Variants in KIZ observed in about 807,000 individuals in gnomAD.
KIZ encodes the protein kizuna centrosomal protein.
A neutral mutation model predicts 79.6 loss-of-function variants in KIZ; 68 were observed. The observed-to-expected ratio is 0.85, with a 90% CI of 0.70 to 1.05. The LOEUF (loss-of-function observed/expected upper bound fraction) is 1.05. Ranked by LOEUF, KIZ falls within the 50% of genes least tolerant of loss-of-function variation. The probability of loss-of-function intolerance (pLI) is 0.00; values close to 1 mark genes in which losing one functional copy is unlikely to be tolerated. For synonymous variants in KIZ, 280 were observed against 281.8 expected, an observed-to-expected ratio of 0.99 and a Z score of 0.06; for missense variants, 797 against 800.4, an observed-to-expected ratio of 1.00 and a Z score of 0.05.
At chr20:21,177,718 A>C (rs572975289) in intron 6 of KIZ, among the ~76,000 whole-genome samples, 1 of 152,084 alleles carries the variant, frequency 6.6e-6, no homozygotes, top group Non-Finnish European at 1.5e-5. Flanking sequence ...TTCAGGTCTT[A>C]TATTTAAATC....
intron 1 of KIZ, among the ~76,000 whole-genome samples, chr20:21,128,909 T>A (rs2031659720): frequency 6.6e-6 from 1 of 152,090 alleles, no homozygotes; most frequent in Admixed American, 6.5e-5. Flanking sequence ...AAAAACAGAA[T>A]AACAAGTGGC....
At chr20:21,157,096 A>T (rs1018096798) in intron 4 of KIZ, among the ~76,000 whole-genome samples, 28 of 150,264 alleles carry the variant, frequency 1.9e-4, no homozygotes, top group African/African-American at 5.4e-4. Flanking sequence ...CTCTATAAAT[A>T]AAAAAAAAAT....
intron 11 of KIZ, among the ~76,000 whole-genome samples, chr20:21,240,749 G>A (rs1293691141): frequency 1.3e-5 from 2 of 152,220 alleles, no homozygotes; most frequent in Admixed American, 1.3e-4. Flanking sequence ...TTTTTAAATG[G>A]TTGGAAGAAA....
intron 6 of KIZ, among the ~76,000 whole-genome samples, chr20:21,169,055 A>G (rs1484061538): frequency 3.3e-5 from 5 of 152,220 alleles, no homozygotes; most frequent in Non-Finnish European, 5.9e-5. Flanking sequence ...ACCAAAAGCA[A>G]TGGCAACAAA....
At chr20:21,174,460 T>C (rs1161159287) in intron 6 of KIZ, among the ~76,000 whole-genome samples, 1 of 152,140 alleles carries the variant, frequency 6.6e-6, no homozygotes, top group Admixed American at 6.6e-5. Context: ...TCAAAGATAA[T>C]ATTTTATAAG....
At chr20:21,236,983 G>A (rs6075780) in intron 11 of KIZ, among the ~76,000 whole-genome samples, 86,170 of 147,494 alleles carry the variant, frequency 0.58, 26,769 homozygotes, top group South Asian at 0.78. Context: ...GGGCAATGGA[G>A]CAAGACTCTG....
intron 3 of KIZ, among the ~76,000 whole-genome samples, chr20:21,142,625 T>C (rs1003629549): frequency 1.3e-5 from 2 of 151,912 alleles, no homozygotes; most frequent in Non-Finnish European, 2.9e-5. Context: ...AACCTGTCTC[T>C]ACAAAAAAAT....
In KIZ at chr20:21,130,452, T is replaced by TTCATGATC. The variant is rs542351434; in HGVS notation, c.90-1645_90-1644insTCATGATC. Among the ~76,000 whole-genome samples, 17 of 152,282 alleles carry TTCATGATC rather than the reference T, an allele frequency of 1.1e-4. No individual in the cohort carries two copies. The South Asian group carries it at 3.3e-3, about 30-fold the overall frequency. On this transcript the variant is annotated intron_variant, in intron 1 of 12. Coordinates refer to ENST00000619189, the MANE Select transcript of KIZ (RefSeq NM_018474.6). The stretch of plus-strand genomic sequence containing the variant: ...AGTCATTCATTCTGCATGAACCAAG[T>TTCATGATC]ACCCAATTGATCATGAAACTCTAGG...
rs1044671839 is a variant in KIZ, at chr20:21,186,243, G to A, written c.1353-19248G>A. On this transcript the variant is annotated intron_variant, in intron 6 of 12. Transcript: ENST00000619189. ...AAACGTTGAAAAGCACTGCTTTCCAGGATAGCCAAATCCCTAAAAGAATTT... is the reference window on the plus strand; with the variant it reads ...AAACGTTGAAAAGCACTGCTTTCCAAGATAGCCAAATCCCTAAAAGAATTT... Among the ~76,000 whole-genome samples the A allele has an allele frequency of 3.3e-5, 5 of 152,080 alleles. No homozygotes were observed. The East Asian group carries it at 7.7e-4, about 24-fold the overall frequency.
At chr20:21,125,979 C>G, upstream of KIZ, 1 of 1,272,220 alleles carries the variant, frequency 7.9e-7, no homozygotes. Flanking sequence ...CGCCCCGCCC[C>G]CACGGCGTCT....
chr20:21,144,489 G>A (rs2032742282), intron 3 of KIZ, among the ~76,000 whole-genome samples: 1 of 151,816 alleles, frequency 6.6e-6, no homozygotes, highest in Admixed American at 6.6e-5. Flanking sequence ...TCTATTCCTA[G>A]TTTATTATTT....
At chr20:21,166,545 C>G in intron 6 of KIZ, 1 of 1,479,708 alleles carries the variant, frequency 6.8e-7, no homozygotes, top group South Asian at 1.1e-5. Context: ...CCTCTCTTTT[C>G]GGCATTGTTG....
At chr20:21,138,910 T>G (rs2032349597) in intron 3 of KIZ, 1 of 151,338 alleles carries the variant, frequency 6.6e-6, no homozygotes, top group Admixed American at 6.6e-5. Flanking sequence ...TTTCCCCCTT[T>G]TCTTTCTTTC....
chr20:21,218,209 T>A (rs1316373712), intron 9 of KIZ: 1 of 152,152 alleles, frequency 6.6e-6, no homozygotes, highest in Non-Finnish European at 1.5e-5. Flanking sequence ...CTTAGTCCCA[T>A]GAGGACATCC....
rs572515834 is a variant in KIZ at position 21,126,426 on chromosome 20, C to T, written c.89+222C>T. Among the ~76,000 whole-genome samples, 471 of 152,258 alleles carry T rather than the reference C, an allele frequency of 3.1e-3. 3 individuals carry two copies. Among genetic ancestry groups the T allele is most frequent in the Non-Finnish European group, 6.1e-3 (412 of 68,004 alleles). On this transcript the variant is annotated intron_variant, in intron 1 of 12. Transcript: ENST00000619189. ...GAGAGGTGAGAGACCGCCCCCGCCCCGTCAATAGCAGCTAAAGCCTGGTCT... is the reference window on the plus strand; with the variant it reads ...GAGAGGTGAGAGACCGCCCCCGCCCTGTCAATAGCAGCTAAAGCCTGGTCT...
intron 11 of KIZ, among the ~76,000 whole-genome samples, chr20:21,239,792 C>T (rs759591107): frequency 6.2e-4 from 95 of 152,176 alleles, no homozygotes; most frequent in Non-Finnish European, 1.1e-3. Flanking sequence ...TCGGATAAAA[C>T]CTATTCTGTT....
intron 4 of KIZ, chr20:21,154,253 A>G (rs1432944486): frequency 6.6e-6 from 1 of 152,202 alleles, no homozygotes; most frequent in Non-Finnish European, 1.5e-5. Flanking sequence ...GCAAAACATG[A>G]AGTGTAACTT....
At chr20:21,177,557 T>C (rs993791701) in intron 6 of KIZ, among the ~76,000 whole-genome samples, 3 of 152,164 alleles carry the variant, frequency 2.0e-5, no homozygotes, top group Non-Finnish European at 4.4e-5. Flanking sequence ...GTTGTTTCCT[T>C]TGCTATGCAG....
chr20:21,136,617 A>G lies in KIZ; in HGVS notation c.315+65A>G, dbSNP rs544266890. 538 of 1,148,020 alleles carry G rather than the reference A, an allele frequency of 4.7e-4. 4 individuals carry two copies. In the African/African-American group the frequency reaches 8.0e-3, roughly 17 times the overall value. The allele number at this position is 1,148,020 out of a possible 1,614,324, so 71.1% of individuals were successfully genotyped here. A position where few individuals can be genotyped will look rare whatever the true frequency, so the allele number is the denominator to read the frequency against. The stretch of plus-strand genomic sequence containing the variant: ...GTTGTGTGTTTTTTTTTTTTTCTTC[A>G]AGATGAGACCTCACTGTGTTACCCA... On this transcript the variant is annotated intron_variant, in intron 3 of 12. Transcript: ENST00000619189.
Sources: allele counts gnomAD v4.1 joint callset (sites outside exome capture counted in the v4.1 genomes callset), GRCh38; gene constraint gnomAD v4.1.1; transcripts MANE v1.5; gene names NCBI Gene and HGNC (gene_info 2026-07-23, HGNC 2026-07-21).